Variants in FNBP1L observed in about 807,000 individuals in gnomAD.
FNBP1L encodes the protein formin binding protein 1 like, also known as formin-binding protein 1-like.
FNBP1L carries 36 observed loss-of-function variants against 91.2 expected under a neutral mutation model. That is an observed-to-expected ratio of 0.39 (90% CI 0.30 to 0.52). The LOEUF is 0.52. Among genes scored for constraint, FNBP1L ranks in the 20% least tolerant of loss-of-function variants. The pLI, the probability that FNBP1L is intolerant of heterozygous loss-of-function variation, is 0.66. For synonymous variants in FNBP1L, 242 were observed against 237.0 expected, an observed-to-expected ratio of 1.02 and a Z score of -0.19; for missense variants, 571 against 732.1, an observed-to-expected ratio of 0.78 and a Z score of 2.54.
In FNBP1L at chr1:93,552,507, G is replaced by C; in HGVS notation, c.*91G>C. 1 of 1,454,568 alleles carries C rather than the reference G, an allele frequency of 6.9e-7. No homozygotes were observed. Among genetic ancestry groups the C allele is most frequent in the Non-Finnish European group, 9.3e-7 (1 of 1,071,992 alleles). 90.1% of individuals were successfully genotyped at this position (1,454,568 alleles called of 1,614,324 possible). A position where few individuals can be genotyped will look rare whatever the true frequency, so the allele number is the denominator to read the frequency against. ...GTATTAGAGTTGTCAGGCTCAAAGA[G>C]AGTGAGAGAAGCAAGTTGCATGAGT... On this transcript the variant is annotated 3_prime_UTR_variant, in exon 17 of 17. Transcript: ENST00000271234.
chr1:93,516,434 G>C (rs1042587004), intron 2 of FNBP1L, among the ~76,000 whole-genome samples: 1 of 152,160 alleles, frequency 6.6e-6, no homozygotes, highest in Non-Finnish European at 1.5e-5. Flanking sequence ...GGCAAGCTTT[G>C]TGTTCTAAAG....
At chr1:93,494,325 C>G (rs1670195024) in intron 1 of FNBP1L, among the ~76,000 whole-genome samples, 1 of 152,162 alleles carries the variant, frequency 6.6e-6, no homozygotes, top group Non-Finnish European at 1.5e-5. Context: ...AGTTGAGATG[C>G]ACTGCAAGTG....
rs146861661 is a variant in FNBP1L at position 93,494,823 on chromosome 1, G to A, written c.25-4645G>A. Reference sequence around the variant, plus strand: ...GCTGAGGAGGCCTCACAATCATGGCGGAAGACAAATGAGGAGCAAAGTCAC... The same window carrying A: ...GCTGAGGAGGCCTCACAATCATGGCAGAAGACAAATGAGGAGCAAAGTCAC... On this transcript the variant is annotated intron_variant, in intron 1 of 16. Transcript: ENST00000271234. Among the ~76,000 whole-genome samples, 126 of 152,312 alleles carry A rather than the reference G, an allele frequency of 8.3e-4. 1 individual carries two copies. In the East Asian group the frequency reaches 0.019, roughly 23 times the overall value.
intron 8 of FNBP1L, among the ~76,000 whole-genome samples, chr1:93,534,324 A>C (rs1422076696): frequency 6.6e-6 from 1 of 152,136 alleles, no homozygotes; most frequent in African/African-American, 2.4e-5. Flanking sequence ...TATCTTTTAA[A>C]GCAAAAAGCC....
intron 1 of FNBP1L, among the ~76,000 whole-genome samples, chr1:93,497,108 C>T (rs1387177223): frequency 6.6e-6 from 1 of 151,992 alleles, no homozygotes; most frequent in Non-Finnish European, 1.5e-5. Flanking sequence ...TACAGGCATC[C>T]GCCACCACGC....
intron 5 of FNBP1L, among the ~76,000 whole-genome samples, chr1:93,528,639 G>A (rs1671572204): frequency 6.6e-6 from 1 of 152,150 alleles, no homozygotes; most frequent in Admixed American, 6.6e-5. Flanking sequence ...AAAGATGGAG[G>A]TGAAATGAAT....
chr1:93,497,003 C>G (rs1670284680), intron 1 of FNBP1L, among the ~76,000 whole-genome samples: 1 of 152,170 alleles, frequency 6.6e-6, no homozygotes, highest in Admixed American at 6.5e-5. Context: ...CTCTGTCACC[C>G]AGGCTGGATT....
intron 14 of FNBP1L, 107 bp downstream of exon 14, chr1:93,547,548 C>A: frequency 1.1e-6 from 1 of 871,648 alleles, no homozygotes; most frequent in Non-Finnish European, 1.8e-6. Flanking sequence ...ACAAGTTAAG[C>A]TTTTAGTAAC....
rs561232454 is a variant in FNBP1L at position 93,475,500 on chromosome 1, C to T, written c.25-23968C>T. On this transcript the variant is annotated intron_variant, in intron 1 of 16. Transcript: ENST00000271234. ...GCTGCAGTGAGCTGTGGTTGTGCCA[C>T]TGCACTCCAGCCTAGGTGACTGAGT... is the stretch of plus-strand genomic sequence containing the variant. Among the ~76,000 whole-genome samples the T allele has an allele frequency of 5.8e-3, 888 of 152,244 alleles. 5 individuals are homozygous for T. The highest frequency in any genetic ancestry group is 8.6e-3 in the Non-Finnish European group (586 of 68,008).
chr1:93,450,621 A>G (rs1451705636), intron 1 of FNBP1L, among the ~76,000 whole-genome samples: 2 of 152,230 alleles, frequency 1.3e-5, no homozygotes, highest in Non-Finnish European at 1.5e-5. Context: ...TGTAATACAA[A>G]CAACCTGTAC....
chr1:93,448,963 C>T (rs567493590), intron 1 of FNBP1L, among the ~76,000 whole-genome samples: 1 of 152,246 alleles, frequency 6.6e-6, no homozygotes, highest in African/African-American at 2.4e-5. Context: ...GTTTGGCCAC[C>T]CCCGGCTGCA....
intron 11 of FNBP1L, among the ~76,000 whole-genome samples, chr1:93,541,997 GACA>G (rs1380174041): frequency 6.6e-5 from 10 of 151,190 alleles, no homozygotes; most frequent in East Asian, 1.9e-4. Context: ...TCATAATTTT[GACA>G]ACAAAAAAAA....
intron 1 of FNBP1L, among the ~76,000 whole-genome samples, chr1:93,452,304 T>A (rs1244287469): frequency 6.6e-6 from 1 of 152,190 alleles, no homozygotes; most frequent in Admixed American, 6.5e-5. Context: ...TCTGAAGGCC[T>A]TTGTAGATGG....
chr1:93,537,745 C>G (rs1354818935), intron 10 of FNBP1L, among the ~76,000 whole-genome samples: 2 of 152,154 alleles, frequency 1.3e-5, no homozygotes, highest in Non-Finnish European at 2.9e-5. Context: ...GCTCTGAACA[C>G]TTGTTTGAAA....
At chr1:93,499,852 A>G (rs913866225) in intron 2 of FNBP1L, among the ~76,000 whole-genome samples, 2 of 152,212 alleles carry the variant, frequency 1.3e-5, no homozygotes, top group Non-Finnish European at 2.9e-5. Context: ...GGAAAAAGAA[A>G]TATCTGCGTG....
chr1:93,479,636 A>G (rs992773021), intron 1 of FNBP1L, among the ~76,000 whole-genome samples: 5 of 152,110 alleles, frequency 3.3e-5, no homozygotes, highest in African/African-American at 1.2e-4. Context: ...CTAGGGTCTT[A>G]GTGTTATATT....
In FNBP1L at chr1:93,499,555, A is replaced by G; in HGVS notation, c.112A>G (p.Ile38Val). ...YAKFVKERIE[I>V]EQNYAKQLRN... ...CAAATTTGTTAAAGAGAGGATAGAA[A>G]TTGAACAGAACTATGCGAAACAATT... The change falls in exon 2 of 17, where the codon ATT (isoleucine) becomes GTT (valine). Residue 38 changes from isoleucine to valine, a missense_variant. This residue lies in a region of FNBP1L where 220 missense variants were observed against 313.6 expected (regional missense o/e 0.70). Coordinates refer to ENST00000271234, the MANE Select transcript of FNBP1L (RefSeq NM_001164473.3). 1 of 1,599,174 alleles carries G rather than the reference A, an allele frequency of 6.3e-7. No individual in the cohort carries two copies. The highest frequency in any genetic ancestry group is 8.5e-7 in the Non-Finnish European group (1 of 1,173,092).
chr1:93,470,054 T>C (rs72721014), intron 1 of FNBP1L, among the ~76,000 whole-genome samples: 20,193 of 152,228 alleles, frequency 0.13, 1,911 homozygotes, highest in African/African-American at 0.27. Context: ...CCAGCCACTC[T>C]TTTATACTGA....
chr1:93,458,429 C>G (rs960469884), intron 1 of FNBP1L, among the ~76,000 whole-genome samples: 3 of 151,994 alleles, frequency 2.0e-5, no homozygotes, highest in Non-Finnish European at 2.9e-5. Flanking sequence ...CGTGCCCAGC[C>G]CAGAAGAATG....
Sources: allele counts gnomAD v4.1 joint callset (sites outside exome capture counted in the v4.1 genomes callset), GRCh38; gene constraint gnomAD v4.1.1; regional missense constraint gnomAD v4.1.1; transcripts MANE v1.5; gene names NCBI Gene and HGNC (gene_info 2026-07-23, HGNC 2026-07-21).